The following ARL6IP6 variants were observed in gnomAD, a reference collection of about 807,000 sequenced individuals.
ARL6IP6 encodes the protein ADP-ribosylation factor-like protein 6-interacting protein 6.
Under a neutral mutation model 21.5 loss-of-function variants are expected in ARL6IP6, and 22 were observed. That is an observed-to-expected ratio of 1.02 (90% CI 0.73 to 1.46). The LOEUF is 1.46. Among genes scored for constraint, ARL6IP6 ranks in the 40% most tolerant of loss-of-function variants. The pLI is 0.00. For missense variants in ARL6IP6, 388 were observed against 299.8 expected (o/e 1.29, Z -2.17); for synonymous variants, 164 against 125.3 (o/e 1.31, Z -2.06).
At chr2:152,749,612 T>C (rs1448353258) in intron 3 of ARL6IP6, among the ~76,000 whole-genome samples, 1 of 152,224 alleles carries the variant, frequency 6.6e-6, no homozygotes, top group Non-Finnish European at 1.5e-5. Flanking sequence ...TAAGGGTAGA[T>C]TCTATTTTTG....
At chr2:152,719,106 C>G (rs890054612) in intron 1 of ARL6IP6, 82 bp downstream of exon 1, 6 of 1,400,680 alleles carry the variant, frequency 4.3e-6, no homozygotes, top group Non-Finnish European at 9.4e-7. Flanking sequence ...ATCTCCCTTT[C>G]CCTCGCGCTA....
intron 2 of ARL6IP6, chr2:152,732,662 T>G (rs1700374590): frequency 2.7e-6 from 1 of 365,756 alleles, no homozygotes; most frequent in Non-Finnish European, 5.4e-6. Context: ...TGTGTTTACC[T>G]ATATACAGTT....
At chr2:152,726,801 G>T (rs1700070463) in intron 2 of ARL6IP6, among the ~76,000 whole-genome samples, 1 of 152,090 alleles carries the variant, frequency 6.6e-6, no homozygotes, top group Admixed American at 6.5e-5. Flanking sequence ...CTATTTAGTG[G>T]CATTGCAACT....
intron 2 of ARL6IP6, among the ~76,000 whole-genome samples, chr2:152,723,301 G>A (rs1391891748): frequency 6.6e-6 from 1 of 152,204 alleles, no homozygotes; most frequent in Non-Finnish European, 1.5e-5. Flanking sequence ...GTACCATGCA[G>A]CCTTTTATCA....
chr2:152,725,439 A>G (rs971873923), intron 2 of ARL6IP6, among the ~76,000 whole-genome samples: 1 of 152,172 alleles, frequency 6.6e-6, no homozygotes, highest in Admixed American at 6.5e-5. Context: ...GTAAGTGGAC[A>G]GATGCTAAGG....
At chr2:152,752,177 A>G (rs1701366335) in intron 3 of ARL6IP6, among the ~76,000 whole-genome samples, 1 of 152,158 alleles carries the variant, frequency 6.6e-6, no homozygotes, top group Non-Finnish European at 1.5e-5. Context: ...CATATTCTCT[A>G]TTCAGTCTTT....
At chr2:152,725,650 C>CAA (rs199555084) in intron 2 of ARL6IP6, among the ~76,000 whole-genome samples, 7 of 136,760 alleles carry the variant, frequency 5.1e-5, no homozygotes, top group Non-Finnish European at 3.2e-5. Context: ...GACGCAAGTG[C>CAA]AAAAAAAAAA....
In ARL6IP6 at chr2:152,761,362, A is replaced by C. The variant is rs1442797328; in HGVS notation, c.*1522A>C. ...TCCCTGCCTTCCTTCCTGCACGCTT[A>C]AACTCTTCACCCTTTGACTCCAAAG... is the stretch of plus-strand genomic sequence containing the variant. On this transcript the variant is annotated 3_prime_UTR_variant, in exon 4 of 4. Transcript: ENST00000326446. 2 of 152,120 alleles carry C rather than the reference A, an allele frequency of 1.3e-5. No individual in the cohort carries two copies. The highest frequency in any genetic ancestry group is 6.6e-5 in the Admixed American group (1 of 15,258). The allele number at this position is 152,120 out of a possible 1,614,324, so 9.4% of individuals were successfully genotyped here. A position where few individuals can be genotyped will look rare whatever the true frequency, so the allele number is the denominator to read the frequency against.
intron 3 of ARL6IP6, among the ~76,000 whole-genome samples, chr2:152,759,240 C>T (rs1490799136): frequency 6.6e-6 from 1 of 152,084 alleles, no homozygotes; most frequent in Non-Finnish European, 1.5e-5. Context: ...ATTAAGTAAC[C>T]TATTAGAATG....
At chr2:152,727,374 T>G (rs1298554605) in intron 2 of ARL6IP6, among the ~76,000 whole-genome samples, 1 of 152,206 alleles carries the variant, frequency 6.6e-6, no homozygotes, top group Non-Finnish European at 1.5e-5. Context: ...ATTTTAAAAT[T>G]TATAAAGTAA....
At chr2:152,743,036 CAATT>C (rs1700890072) in intron 3 of ARL6IP6, among the ~76,000 whole-genome samples, 1 of 152,142 alleles carries the variant, frequency 6.6e-6, no homozygotes, top group Non-Finnish European at 1.5e-5. Flanking sequence ...ATTTTATTGA[CAATT>C]AACAGGCACT....
chr2:152,718,510 C>T (rs1414618007), upstream of ARL6IP6: 19 of 1,428,240 alleles, frequency 1.3e-5, no homozygotes, highest in Non-Finnish European at 1.5e-5. Context: ...CGTGGTTTAC[C>T]CCTGGGCTCT....
At chr2:152,723,882 C>G (rs1214015713) in intron 2 of ARL6IP6, among the ~76,000 whole-genome samples, 1 of 152,016 alleles carries the variant, frequency 6.6e-6, no homozygotes, top group Non-Finnish European at 1.5e-5. Flanking sequence ...TCAGTTTCAT[C>G]CTTACAATGA....
intron 2 of ARL6IP6, among the ~76,000 whole-genome samples, chr2:152,734,790 A>G (rs1035914327): frequency 3.3e-5 from 5 of 152,210 alleles, no homozygotes; most frequent in African/African-American, 1.2e-4. Context: ...AAAATATTCA[A>G]TGATATGACT....
Position 152,761,774 on chromosome 2 carries a change from C to T in ARL6IP6, c.*1934C>T, listed in dbSNP as rs553821117. ...GGAGCAATAAGCTATACCATATAGC[C>T]TAGGTGTGTAGTAGGCTATACCATC... On this transcript the variant is annotated 3_prime_UTR_variant, in exon 4 of 4. Coordinates refer to ENST00000326446, the MANE Select transcript of ARL6IP6 (RefSeq NM_152522.7). Among the ~76,000 whole-genome samples, 1 of 152,170 alleles carries T rather than the reference C, an allele frequency of 6.6e-6. No individual in the cohort carries two copies. Among genetic ancestry groups the T allele is most frequent in the South Asian group, 2.1e-4 (1 of 4,818 alleles).
chr2:152,721,743 G>A (rs531601473), intron 2 of ARL6IP6, among the ~76,000 whole-genome samples: 1 of 152,196 alleles, frequency 6.6e-6, no homozygotes, highest in Admixed American at 6.5e-5. Flanking sequence ...CCACTTTATG[G>A]CTAATCACCC....
intron 3 of ARL6IP6, among the ~76,000 whole-genome samples, chr2:152,755,692 G>T (rs1174302879): frequency 6.6e-6 from 1 of 152,152 alleles, no homozygotes; most frequent in Non-Finnish European, 1.5e-5. Flanking sequence ...TGCCCCTTTT[G>T]CTTTGTATCC....
intron 3 of ARL6IP6, among the ~76,000 whole-genome samples, chr2:152,749,922 T>A (rs926431853): frequency 1.3e-5 from 2 of 152,232 alleles, no homozygotes; most frequent in African/African-American, 4.8e-5. Flanking sequence ...TTTTACTACT[T>A]ATTCTTTCAT....
intron 1 of ARL6IP6, chr2:152,719,765 A>AAC (rs1699655926): frequency 5.1e-5 from 14 of 276,382 alleles, no homozygotes; most frequent in Non-Finnish European, 8.0e-5. Flanking sequence ...AAAAAAAAAA[A>AAC]AAAAAAAAAC....
Sources: gnomAD v4.1 joint callset for allele counts (sites outside exome capture counted in the v4.1 genomes callset) on GRCh38, gnomAD v4.1.1 for gene constraint, MANE v1.5 for transcripts, NCBI Gene and HGNC (gene_info 2026-07-23, HGNC 2026-07-21) for gene names.